Variants in KMT5A observed in about 807,000 individuals in gnomAD.
KMT5A encodes N-lysine methyltransferase KMT5A.
Under a neutral mutation model 40.6 loss-of-function variants are expected in KMT5A, and 6 were observed. That is an observed-to-expected ratio of 0.15 (90% CI 0.08 to 0.29). The LOEUF (loss-of-function observed/expected upper bound fraction) is 0.29. Among genes scored for constraint, KMT5A ranks in the 10% least tolerant of loss-of-function variants. The pLI is 1.00. For missense variants in KMT5A, 308 were observed against 459.1 expected (o/e 0.67, Z 3.01); for synonymous variants, 153 against 178.8 (o/e 0.86, Z 1.15).
chr12:123,408,032 A>G lies in KMT5A; in HGVS notation c.*329A>G, dbSNP rs1338511801. 1.1e-5 allele frequency: 3 copies of G among 262,176 alleles called. No homozygotes were observed. Among genetic ancestry groups the G allele is most frequent in the African/African-American group, 2.3e-5 (1 of 43,996 alleles). 16.2% of individuals were successfully genotyped at this position (262,176 alleles called of 1,614,324 possible). On this transcript the variant is annotated 3_prime_UTR_variant, in exon 8 of 8. Coordinates refer to ENST00000402868, the MANE Select transcript of KMT5A (RefSeq NM_020382.7). ...GTTTTAGAGGAAATAGTCAAACATGAACTAGGAAGCCAGGTGAGTCTCCTT... is the reference window on the plus strand; with the variant it reads ...GTTTTAGAGGAAATAGTCAAACATGGACTAGGAAGCCAGGTGAGTCTCCTT...
At position 123,408,839 on chromosome 12, in the gene KMT5A, G is replaced by A; in HGVS notation, c.*1136G>A. On this transcript the variant is annotated 3_prime_UTR_variant, in exon 8 of 8. Transcript: ENST00000402868. ...CCCCTGACCCCGGCCGCTGCTGCCA[G>A]CCTCAGAAAGGCACCCAGGTGTGCA... 1 of 152,984 alleles carries A rather than the reference G, an allele frequency of 6.5e-6. No homozygotes were observed. The highest frequency in any genetic ancestry group is 1.5e-5 in the Non-Finnish European group (1 of 68,286). 9.5% of individuals were successfully genotyped at this position (152,984 alleles called of 1,614,324 possible).
chr12:123,402,070 C>T (rs1040824615), intron 5 of KMT5A, among the ~76,000 whole-genome samples: 1 of 152,174 alleles, frequency 6.6e-6, no homozygotes, highest in Non-Finnish European at 1.5e-5. Context: ...TTTGTAGGGA[C>T]AGGGTCTGGA....
At chr12:123,403,876 G>A (rs781553801) in intron 6 of KMT5A, among the ~76,000 whole-genome samples, 3 of 152,180 alleles carry the variant, frequency 2.0e-5, no homozygotes, top group Non-Finnish European at 4.4e-5. Flanking sequence ...TAGAAATTGT[G>A]GTTAAACAAT....
Position 123,408,859 on chromosome 12 carries a change from T to C in KMT5A, c.*1156T>C, listed in dbSNP as rs984346396. On this transcript the variant is annotated 3_prime_UTR_variant, in exon 8 of 8. Coordinates refer to ENST00000402868, the MANE Select transcript of KMT5A (RefSeq NM_020382.7). ...TGCCAGCCTCAGAAAGGCACCCAGG[T>C]GTGCAGGGGAGCACACAGGGCCCGG... is the stretch of plus-strand genomic sequence containing the variant. The C allele has an allele frequency of 5.9e-5, 9 of 152,830 alleles. No individual in the cohort carries two copies. Among genetic ancestry groups the C allele is most frequent in the African/African-American group, 1.9e-4 (8 of 41,556 alleles). The allele number at this position is 152,830 out of a possible 1,614,324, so 9.5% of individuals were successfully genotyped here. A position where few individuals can be genotyped will look rare whatever the true frequency, so the allele number is the denominator to read the frequency against.
Position 123,384,445 on chromosome 12 carries a change from G to A in KMT5A, c.10+237G>A, listed in dbSNP as rs1876744295. Among the ~76,000 whole-genome samples the A allele has an allele frequency of 6.6e-6, 1 of 152,236 alleles. No individual in the cohort carries two copies. Among genetic ancestry groups the A allele is most frequent in the African/African-American group, 2.4e-5 (1 of 41,472 alleles). On this transcript the variant is annotated intron_variant, in intron 1 of 7. Coordinates refer to ENST00000402868, the MANE Select transcript of KMT5A (RefSeq NM_020382.7). This position sits in a 1 kb window ranked among gnomAD's most constrained non-coding sequence, Gnocchi z 5.7. Reference sequence around the variant, plus strand: ...CGTGCTTCTGTTTCCCTTCTATGAAGTGAACACCTGCGGGCCTGCCTCTCC... The same window carrying A: ...CGTGCTTCTGTTTCCCTTCTATGAAATGAACACCTGCGGGCCTGCCTCTCC...
chr12:123,396,657 T>C (rs573993933), intron 5 of KMT5A, among the ~76,000 whole-genome samples: 1 of 152,188 alleles, frequency 6.6e-6, no homozygotes, highest in East Asian at 1.9e-4. Flanking sequence ...GACACTTGTG[T>C]GAAGGAACCT....
chr12:123,396,297 A>C, intron 4 of KMT5A, 48 bp from the exon 5 acceptor site: 1 of 1,584,054 alleles, frequency 6.3e-7, no homozygotes, highest in Non-Finnish European at 8.7e-7. Context: ...GTGTGCCTCC[A>C]GGTTTTCAGT....
Position 123,384,581 on chromosome 12 carries a change from C to G in KMT5A, c.10+373C>G, listed in dbSNP as rs1949526489. On this transcript the variant is annotated intron_variant, in intron 1 of 7. Transcript: ENST00000402868. The surrounding 1 kb of genome is among the most constrained non-coding windows in gnomAD (Gnocchi z 5.7). Reference sequence around the variant, plus strand: ...GCGGGGGCAGGAGTGAGGCTTCGCCCACTTTGGGGCCCTCTCTCTTTGGGA... The same window carrying G: ...GCGGGGGCAGGAGTGAGGCTTCGCCGACTTTGGGGCCCTCTCTCTTTGGGA... 6.6e-6 allele frequency among the ~76,000 whole-genome samples: 1 copy of G among 152,264 alleles called. No homozygotes were observed. The highest frequency in any genetic ancestry group is 2.1e-4 in the South Asian group (1 of 4,836).
rs1397787500 is a variant in KMT5A, at chr12:123,390,305, C to G, written c.133-325C>G. ...GTGAACTCCTAAAGATAGCCTAGCT[C>G]TTCACATGCCCAGGTCCTTTTGACC... On this transcript the variant is annotated intron_variant, in intron 2 of 7. Transcript: ENST00000402868. Among the ~76,000 whole-genome samples, 12 of 152,240 alleles carry G rather than the reference C, an allele frequency of 7.9e-5. 1 individual carries two copies. The South Asian group carries it at 2.1e-3, about 26-fold the overall frequency.
rs144265301 is a variant in KMT5A at position 123,395,566 on chromosome 12, G to GT, written c.509+319dup. ...TCTTTTTTGGTGATTGGTGTTTTGT[G>GT]TTTTTTTTTTTTTTTTTTTGAGACA... On this transcript the variant is annotated intron_variant, in intron 4 of 7. Coordinates refer to ENST00000402868, the MANE Select transcript of KMT5A (RefSeq NM_020382.7). 2.5e-4 allele frequency among the ~76,000 whole-genome samples: 36 copies of GT among 143,104 alleles called. No homozygotes were observed. The East Asian group carries it at 3.3e-3, about 13-fold the overall frequency. The allele number at this position is 143,104 out of a possible 152,430, so 93.9% of individuals were successfully genotyped here. A position where few individuals can be genotyped will look rare whatever the true frequency, so the allele number is the denominator to read the frequency against.
rs543414405 is a variant in KMT5A at position 123,407,002 on chromosome 12, C to T, written c.849-491C>T. On this transcript the variant is annotated intron_variant, in intron 7 of 7. Coordinates refer to ENST00000402868, the MANE Select transcript of KMT5A (RefSeq NM_020382.7). ...CTGCACTCCAGCCTGGGCGACAGAG[C>T]GACGAGACTCCCTCTCAAAAAAAAA... Among the ~76,000 whole-genome samples, 121 of 128,190 alleles carry T rather than the reference C, an allele frequency of 9.4e-4. 3 individuals carry two copies. The highest frequency in any genetic ancestry group is 1.7e-4 in the Non-Finnish European group (11 of 63,246). The allele number at this position is 128,190 out of a possible 152,430, so 84.1% of individuals were successfully genotyped here. A position where few individuals can be genotyped will look rare whatever the true frequency, so the allele number is the denominator to read the frequency against.
At chr12:123,402,669 G>A (rs1878265191) in intron 5 of KMT5A, among the ~76,000 whole-genome samples, 1 of 152,232 alleles carries the variant, frequency 6.6e-6, no homozygotes, top group Non-Finnish European at 1.5e-5. Context: ...GGTTAGGGAT[G>A]GAGGTAGGTG....
intron 5 of KMT5A, among the ~76,000 whole-genome samples, chr12:123,400,973 TTA>T (rs1158016074): frequency 4.6e-5 from 7 of 151,654 alleles, no homozygotes; most frequent in African/African-American, 1.7e-4. Context: ...TTTTGTATTT[TTA>T]GTAGAGACAG....
chr12:123,388,167 C>G (rs1876984705), intron 1 of KMT5A, among the ~76,000 whole-genome samples: 1 of 152,208 alleles, frequency 6.6e-6, no homozygotes, highest in Non-Finnish European at 1.5e-5. Context: ...ATGTTAAACC[C>G]TTCTGCAAGA....
At chr12:123,395,400 C>A in intron 4 of KMT5A, 134 bp downstream of exon 4, 1 of 883,394 alleles carries the variant, frequency 1.1e-6, no homozygotes, top group Non-Finnish European at 1.7e-6. Context: ...CTCAGATGCC[C>A]CGAGTCATCA....
At position 123,408,724 on chromosome 12, in the gene KMT5A, C is replaced by G. The variant is rs1410848342; in HGVS notation, c.*1021C>G. ...CCTGCTGGGGTTGAAAGTTCCAGACCTGCTGTCGAGGCCTTGTGTTTGTCA... is the reference window on the plus strand; with the variant it reads ...CCTGCTGGGGTTGAAAGTTCCAGACGTGCTGTCGAGGCCTTGTGTTTGTCA... On this transcript the variant is annotated 3_prime_UTR_variant, in exon 8 of 8. Coordinates refer to ENST00000402868, the MANE Select transcript of KMT5A (RefSeq NM_020382.7). 6.6e-6 allele frequency: 1 copy of G among 152,432 alleles called. No homozygotes were observed. Among genetic ancestry groups the G allele is most frequent in the Non-Finnish European group, 1.5e-5 (1 of 67,994 alleles). The allele number at this position is 152,432 out of a possible 1,614,324, so 9.4% of individuals were successfully genotyped here.
intron 5 of KMT5A, 86 bp downstream of exon 5, chr12:123,396,518 C>T: frequency 1.6e-6 from 2 of 1,288,060 alleles, no homozygotes; most frequent in Non-Finnish European, 2.2e-6. Context: ...TGTGTGTCCT[C>T]AGCCTTGTTT....
intron 7 of KMT5A, among the ~76,000 whole-genome samples, chr12:123,406,471 C>T (rs1429677509): frequency 2.0e-5 from 3 of 152,172 alleles, no homozygotes; most frequent in South Asian, 2.1e-4. Flanking sequence ...TGCGCCACCA[C>T]GCCCAGCTAA....
intron 1 of KMT5A, among the ~76,000 whole-genome samples, chr12:123,385,756 C>T (rs367678689): frequency 5.9e-5 from 9 of 152,038 alleles, no homozygotes; most frequent in East Asian, 1.9e-4. Flanking sequence ...GAGGCTGAGG[C>T]AGGGAGAATT....
Sources: allele counts gnomAD v4.1 joint callset (sites outside exome capture counted in the v4.1 genomes callset), GRCh38; gene constraint gnomAD v4.1.1; non-coding constraint Gnocchi (gnomAD v3.1); transcripts MANE v1.5; gene names NCBI Gene and HGNC (gene_info 2026-07-23, HGNC 2026-07-21).